The following TFDP2 variants were observed in gnomAD, a reference collection of about 807,000 sequenced individuals.
TFDP2 encodes the protein transcription factor Dp-2, also known as transcription factor Dp-2 (E2F dimerization partner 2).
TFDP2 carries 17 observed loss-of-function variants against 59.3 expected under a neutral mutation model. That is an observed-to-expected ratio of 0.29 (90% CI 0.20 to 0.43). TFDP2 has a LOEUF of 0.43. TFDP2 is among the 20% of genes least tolerant of loss of function. TFDP2 has a pLI of 1.00. For synonymous variants in TFDP2, 180 were observed against 194.7 expected, an observed-to-expected ratio of 0.92 and a Z score of 0.63; for missense variants, 391 against 528.8, an observed-to-expected ratio of 0.74 and a Z score of 2.56.
intron 3 of TFDP2, among the ~76,000 whole-genome samples, chr3:142,076,820 C>T (rs912262934): frequency 6.6e-6 from 1 of 152,128 alleles, no homozygotes; most frequent in Admixed American, 6.5e-5. Context: ...ACCCATGGTC[C>T]CTCCATTTAC....
At chr3:142,141,338 G>A (rs536749495) in intron 1 of TFDP2, among the ~76,000 whole-genome samples, 14 of 152,258 alleles carry the variant, frequency 9.2e-5, no homozygotes, top group African/African-American at 2.9e-4. Flanking sequence ...GTGAAGTGAC[G>A]CCCTTCCCTG....
At chr3:141,953,504 G>A (rs1293835851) in intron 11 of TFDP2, among the ~76,000 whole-genome samples, 1 of 152,118 alleles carries the variant, frequency 6.6e-6, no homozygotes, top group Non-Finnish European at 1.5e-5. Context: ...AACCCCCGCC[G>A]CAATGTCTTT....
At chr3:142,076,210 C>CAAAAAAA (rs56018016) in intron 3 of TFDP2, among the ~76,000 whole-genome samples, 2 of 112,134 alleles carry the variant, frequency 1.8e-5, no homozygotes, top group Non-Finnish European at 1.9e-5. Flanking sequence ...GACTCCGTCT[C>CAAAAAAA]AAAAAAAAAA....
intron 1 of TFDP2, among the ~76,000 whole-genome samples, chr3:142,145,028 T>C (rs1247670419): frequency 6.6e-6 from 1 of 152,216 alleles, no homozygotes. Context: ...GAGAAATAGA[T>C]GTACATTACC....
chr3:142,014,609 T>C (rs993902836), intron 3 of TFDP2, among the ~76,000 whole-genome samples: 1 of 152,156 alleles, frequency 6.6e-6, no homozygotes, highest in African/African-American at 2.4e-5. Flanking sequence ...ATGCTAACTA[T>C]AGATTACACC....
At chr3:142,142,884 A>G (rs556271807) in intron 1 of TFDP2, among the ~76,000 whole-genome samples, 6 of 152,208 alleles carry the variant, frequency 3.9e-5, no homozygotes, top group Non-Finnish European at 7.3e-5. Flanking sequence ...GGTGCTGGGA[A>G]AACTGGATAT....
chr3:142,003,798 T>C (rs1214475103), intron 4 of TFDP2, among the ~76,000 whole-genome samples: 1 of 135,040 alleles, frequency 7.4e-6, no homozygotes, highest in Non-Finnish European at 1.7e-5. Context: ...TCACTACTTA[T>C]TATTAACAGA....
intron 6 of TFDP2, among the ~76,000 whole-genome samples, chr3:141,984,902 C>T (rs1036411009): frequency 6.6e-6 from 1 of 152,040 alleles, no homozygotes; most frequent in Non-Finnish European, 1.5e-5. Context: ...AATACAAACT[C>T]TATTGTATTC....
chr3:142,071,769 C>T (rs2060257108), intron 3 of TFDP2, among the ~76,000 whole-genome samples: 2 of 152,144 alleles, frequency 1.3e-5, no homozygotes, highest in Admixed American at 6.5e-5. Flanking sequence ...AAAGATGACA[C>T]CTCTGTTTCT....
At chr3:142,093,028 T>A (rs1383552359) in intron 3 of TFDP2, 33 bp downstream of exon 3, 6 of 1,450,608 alleles carry the variant, frequency 4.1e-6, no homozygotes, top group Non-Finnish European at 5.6e-6. Flanking sequence ...AAAACTAACT[T>A]AATTCAGAAA....
intron 1 of TFDP2, among the ~76,000 whole-genome samples, chr3:142,105,079 C>T (rs932053111): frequency 1.3e-5 from 2 of 152,176 alleles, no homozygotes; most frequent in East Asian, 1.9e-4. Flanking sequence ...AGAGTTTATA[C>T]GCCCTCCAGT....
intron 7 of TFDP2, among the ~76,000 whole-genome samples, chr3:141,977,446 G>A (rs1313631447): frequency 1.3e-5 from 2 of 149,268 alleles, no homozygotes; most frequent in Non-Finnish European, 3.0e-5. Context: ...TTTTTTTTCT[G>A]TAGAGGCAGA....
intron 3 of TFDP2, chr3:142,044,027 G>A (rs1326447836): frequency 1.5e-6 from 1 of 674,998 alleles, no homozygotes; most frequent in Non-Finnish European, 2.7e-6. Context: ...CCCAGGAATG[G>A]ACTGTCAACA....
intron 3 of TFDP2, among the ~76,000 whole-genome samples, chr3:142,024,575 A>C (rs1342279496): frequency 6.6e-6 from 1 of 152,184 alleles, no homozygotes; most frequent in African/African-American, 2.4e-5. Flanking sequence ...AAAAAGGCTA[A>C]ATCATTGACC....
At chr3:142,069,354 A>G (rs1170217175) in intron 3 of TFDP2, among the ~76,000 whole-genome samples, 1 of 152,162 alleles carries the variant, frequency 6.6e-6, no homozygotes, top group Non-Finnish European at 1.5e-5. Flanking sequence ...ATGGATTTAC[A>G]TTGTTTCCAA....
At position 141,951,404 on chromosome 3, in the gene TFDP2, T is replaced by C. The variant is rs1467921354; in HGVS notation, c.*1109A>G. 1 of 152,414 alleles carries C rather than the reference T, an allele frequency of 6.6e-6. No homozygotes were observed. 9.4% of individuals were successfully genotyped at this position (152,414 alleles called of 1,614,324 possible). On this transcript the variant is annotated 3_prime_UTR_variant, in exon 13 of 13. Coordinates refer to ENST00000489671, the MANE Select transcript of TFDP2 (RefSeq NM_001178139.2). Reference sequence around the variant, plus strand: ...TCTAGTGTTTCTGTGAAACACTAAATATTGGATTAGTTTGAAATGCAATTG... The same window carrying C: ...TCTAGTGTTTCTGTGAAACACTAAACATTGGATTAGTTTGAAATGCAATTG...
At chr3:142,101,255 T>TA (rs957524665) in intron 2 of TFDP2, among the ~76,000 whole-genome samples, 3 of 151,148 alleles carry the variant, frequency 2.0e-5, no homozygotes, top group African/African-American at 7.3e-5. Flanking sequence ...GAATAACTTC[T>TA]CCAAAACATC....
chr3:142,107,920 G>T (rs563165574), intron 1 of TFDP2, among the ~76,000 whole-genome samples: 1 of 152,190 alleles, frequency 6.6e-6, no homozygotes, highest in African/African-American at 2.4e-5. Context: ...TATGCTGAAA[G>T]AATCCTTTAA....
chr3:142,141,352 C>T (rs1002843682), intron 1 of TFDP2, among the ~76,000 whole-genome samples: 13 of 152,168 alleles, frequency 8.5e-5, no homozygotes, highest in Admixed American at 2.6e-4. Context: ...TTCCCTGCTT[C>T]GGCTCACCCT....
Sources: allele counts gnomAD v4.1 joint callset (sites outside exome capture counted in the v4.1 genomes callset), GRCh38; gene constraint gnomAD v4.1.1; transcripts MANE v1.5; gene names NCBI Gene and HGNC (gene_info 2026-07-23, HGNC 2026-07-21).